TRAPPC9: variants seen among roughly 807,000 people sequenced by gnomAD.
The protein encoded by TRAPPC9 is IKK2 binding protein.
Under a neutral mutation model 124.0 loss-of-function variants are expected in TRAPPC9, and 83 were observed. That is an observed-to-expected ratio of 0.67 (90% CI 0.56 to 0.80). The LOEUF (loss-of-function observed/expected upper bound fraction) is 0.80. Ranked by LOEUF, TRAPPC9 falls within the 30% of genes least tolerant of loss-of-function variation. The pLI, the probability that TRAPPC9 is intolerant of heterozygous loss-of-function variation, is 0.00. For missense variants in TRAPPC9, 1,302 were observed against 1,508.3 expected, an observed-to-expected ratio of 0.86 and a Z score of 2.27; for synonymous variants, 638 against 617.5, an observed-to-expected ratio of 1.03 and a Z score of -0.49.
intron 18 of TRAPPC9, among the ~76,000 whole-genome samples, chr8:140,016,957 G>A (rs1366871289): frequency 6.6e-6 from 1 of 152,138 alleles, no homozygotes; most frequent in Non-Finnish European, 1.5e-5. Context: ...AACATTTGGT[G>A]TTCTGTTTTT....
intron 17 of TRAPPC9, among the ~76,000 whole-genome samples, chr8:140,064,771 T>C (rs1842820883): frequency 6.6e-6 from 1 of 152,196 alleles, no homozygotes; most frequent in African/African-American, 2.4e-5. Flanking sequence ...GGTATTTCTC[T>C]GTGACTGGTT....
At chr8:140,342,078 G>A (rs374092710) in intron 9 of TRAPPC9, among the ~76,000 whole-genome samples, 113 of 152,294 alleles carry the variant, frequency 7.4e-4, no homozygotes, top group Non-Finnish European at 1.4e-3. Flanking sequence ...GCCATATTCC[G>A]GACCAGAAGT....
intron 17 of TRAPPC9, among the ~76,000 whole-genome samples, chr8:140,144,825 T>C (rs2061433207): frequency 6.6e-6 from 1 of 151,986 alleles, no homozygotes; most frequent in African/African-American, 2.4e-5. Flanking sequence ...TGGATCTAGA[T>C]GAATGTTACT....
At chr8:139,884,906 C>T (rs1271182846) in intron 21 of TRAPPC9, among the ~76,000 whole-genome samples, 1 of 152,202 alleles carries the variant, frequency 6.6e-6, no homozygotes, top group Non-Finnish European at 1.5e-5. Context: ...GCAGCCTCTG[C>T]AGGATCAGGG....
chr8:140,244,995 G>A (rs180745347), intron 16 of TRAPPC9, among the ~76,000 whole-genome samples: 66 of 151,562 alleles, frequency 4.4e-4, no homozygotes, highest in East Asian at 2.1e-3. Flanking sequence ...TAGTAGAGAC[G>A]GGGTTTCACC....
chr8:140,137,236 A>T (rs1399884347), intron 17 of TRAPPC9, among the ~76,000 whole-genome samples: 2 of 152,162 alleles, frequency 1.3e-5, no homozygotes, highest in Admixed American at 6.5e-5. Flanking sequence ...GCATCCCCTC[A>T]CTCAAGTCTT....
At chr8:140,139,809 T>A (rs561410386) in intron 17 of TRAPPC9, among the ~76,000 whole-genome samples, 13 of 151,936 alleles carry the variant, frequency 8.6e-5, no homozygotes, top group African/African-American at 3.1e-4. Context: ...GAGCTGCTGA[T>A]GTCGCATTTC....
intron 19 of TRAPPC9, among the ~76,000 whole-genome samples, chr8:139,912,493 C>A (rs577767253): frequency 6.6e-6 from 1 of 152,198 alleles, no homozygotes; most frequent in East Asian, 1.9e-4. Context: ...CCTGCACTTA[C>A]GACTGACTCT....
intron 18 of TRAPPC9, among the ~76,000 whole-genome samples, chr8:140,003,961 G>A (rs191534647): frequency 1.3e-5 from 2 of 152,314 alleles, no homozygotes; most frequent in Non-Finnish European, 2.9e-5. Context: ...CCTTTAAACA[G>A]TGAATGGATC....
At chr8:139,878,594 T>C (rs1829480270) in intron 21 of TRAPPC9, among the ~76,000 whole-genome samples, 1 of 152,186 alleles carries the variant, frequency 6.6e-6, no homozygotes, top group Non-Finnish European at 1.5e-5. Context: ...GCTTCAGGGC[T>C]GTGGCAGGGC....
At chr8:140,340,522 A>AG (rs1199908604) in intron 9 of TRAPPC9, among the ~76,000 whole-genome samples, 2 of 152,248 alleles carry the variant, frequency 1.3e-5, no homozygotes, top group Non-Finnish European at 2.9e-5. Flanking sequence ...CCACTGTGGC[A>AG]GGCACAATGC....
Position 139,731,976 on chromosome 8 carries a change from C to T in TRAPPC9, c.3279+3G>A, listed in dbSNP as rs763225614. On this transcript the variant is annotated splice_donor_region_variant and intron_variant, in intron 22 of 22. Transcript: ENST00000438773. ...CCAGACCGCCTTGCACACCACCACG[C>T]ACCGCGTCGAGGTAGAAGGTGCTGG... is the stretch of plus-strand genomic sequence containing the variant. The T allele has an allele frequency of 6.4e-7, 1 of 1,570,616 alleles. No homozygotes were observed. The highest frequency in any genetic ancestry group is 8.6e-7 in the Non-Finnish European group (1 of 1,157,300).
At chr8:139,766,000 G>A (rs1218664133) in intron 21 of TRAPPC9, among the ~76,000 whole-genome samples, 1 of 152,202 alleles carries the variant, frequency 6.6e-6, no homozygotes, top group Admixed American at 6.5e-5. Context: ...ATCTCTCAAA[G>A]GGCTACCAGC....
intron 18 of TRAPPC9, among the ~76,000 whole-genome samples, chr8:139,992,600 G>A (rs1354749636): frequency 6.7e-6 from 1 of 150,230 alleles, no homozygotes; most frequent in Non-Finnish European, 1.5e-5. Context: ...AATCCCAAAA[G>A]GGTTTTGTTA....
chr8:140,004,582 A>G (rs967365132), intron 18 of TRAPPC9, among the ~76,000 whole-genome samples: 37 of 152,188 alleles, frequency 2.4e-4, no homozygotes, highest in African/African-American at 8.7e-4. Context: ...AAAGTAAGTG[A>G]AAGTGCTTTG....
At chr8:140,155,748 A>G (rs2061617723) in intron 17 of TRAPPC9, among the ~76,000 whole-genome samples, 1 of 152,212 alleles carries the variant, frequency 6.6e-6, no homozygotes, top group Admixed American at 6.5e-5. Context: ...AAACCAATTG[A>G]ATGTATAATT....
chr8:140,425,122 G>A (rs1050852882), intron 5 of TRAPPC9, among the ~76,000 whole-genome samples: 2 of 152,182 alleles, frequency 1.3e-5, no homozygotes, highest in East Asian at 1.9e-4. Flanking sequence ...AAGGACCAAC[G>A]CTTGAAAGAC....
chr8:140,347,628 C>T (rs1233266406), intron 9 of TRAPPC9, among the ~76,000 whole-genome samples: 1 of 152,192 alleles, frequency 6.6e-6, no homozygotes, highest in Non-Finnish European at 1.5e-5. Context: ...CATCCACTGA[C>T]CCCCTCACTC....
chr8:140,153,503 C>T (rs2061581170), intron 17 of TRAPPC9, among the ~76,000 whole-genome samples: 1 of 152,018 alleles, frequency 6.6e-6, no homozygotes, highest in African/African-American at 2.4e-5. Context: ...TTACAATTAC[C>T]ATACTATATT....
Sources: allele counts gnomAD v4.1 joint callset (sites outside exome capture counted in the v4.1 genomes callset), GRCh38; gene constraint gnomAD v4.1.1; transcripts MANE v1.5; gene names NCBI Gene and HGNC (gene_info 2026-07-23, HGNC 2026-07-21).